The following SYNE1 variants were observed in gnomAD, a reference collection of about 807,000 sequenced individuals.
The protein encoded by SYNE1 is spectrin repeat containing nuclear envelope protein 1.
Under a neutral mutation model 1,111.0 loss-of-function variants are expected in SYNE1, and 616 were observed. The ratio of observed to expected loss-of-function variants is 0.55; its 90% confidence interval spans 0.52 to 0.59. SYNE1 has a LOEUF of 0.59. SYNE1 is among the 20% of genes least tolerant of loss of function. The pLI is 0.00. For synonymous variants in SYNE1, 3,855 were observed against 3,825.8 expected (o/e 1.01, Z -0.28); for missense variants, 10,006 against 10,417.0 (o/e 0.96, Z 1.72).
intron 38 of SYNE1, among the ~76,000 whole-genome samples, chr6:152,427,438 C>T (rs758103198): frequency 1.3e-5 from 2 of 152,066 alleles, no homozygotes; most frequent in African/African-American, 2.4e-5. Flanking sequence ...ATTCAGATGC[C>T]GGGCATTACA....
intron 105 of SYNE1, among the ~76,000 whole-genome samples, chr6:152,246,491 A>T (rs1239010709): frequency 6.6e-6 from 1 of 152,324 alleles, no homozygotes; most frequent in East Asian, 1.9e-4. Context: ...CCAATTCAGT[A>T]CAAGAGTCTG....
Position 152,316,951 on chromosome 6 carries a change from A to C in SYNE1, c.16608T>G (p.Leu5536=), listed in dbSNP as rs2095740228. 2 of 1,614,114 alleles carry C rather than the reference A, an allele frequency of 1.2e-6. No homozygotes were observed. Among genetic ancestry groups the C allele is most frequent in the Non-Finnish European group, 8.5e-7 (1 of 1,180,018 alleles). ...TTTCAATCCACTTCAAAATTAATTC[A>C]AGCATTTCATTGTATTCTTCTAAAT... The part of the protein sequence containing the change: ...ASHLEEYNEM[L]ELILKWIEKA... The change falls in exon 87 of 146, where the codon CTT becomes CTG. Residue 5536 remains leucine (L), a synonymous_variant. Coordinates refer to ENST00000367255, the MANE Select transcript of SYNE1 (RefSeq NM_182961.4).
intron 129 of SYNE1, among the ~76,000 whole-genome samples, chr6:152,179,716 C>T (rs553981238): frequency 3.7e-3 from 345 of 94,502 alleles, no homozygotes; most frequent in Middle Eastern, 0.01. Flanking sequence ...GACAGAGTCT[C>T]GTTCTGTCAC....
At chr6:152,399,346 T>G (rs2097778450) in intron 48 of SYNE1, among the ~76,000 whole-genome samples, 1 of 152,220 alleles carries the variant, frequency 6.6e-6, no homozygotes, top group Non-Finnish European at 1.5e-5. Context: ...ACACATGAGC[T>G]ATATATAGAA....
intron 24 of SYNE1, among the ~76,000 whole-genome samples, chr6:152,455,088 T>G (rs1311793461): frequency 6.6e-6 from 1 of 152,208 alleles, no homozygotes; most frequent in African/African-American, 2.4e-5. Flanking sequence ...CACAAAGGAC[T>G]TAGCTAGTCA....
intron 32 of SYNE1, 131 bp downstream of exon 32, chr6:152,440,999 T>G: frequency 9.1e-7 from 1 of 1,098,338 alleles, no homozygotes; most frequent in Non-Finnish European, 1.3e-6. Context: ...GTTGAAAGAA[T>G]GGGTCATCAA....
At chr6:152,624,760 T>C (rs1218744303) in intron 3 of SYNE1, among the ~76,000 whole-genome samples, 2 of 152,214 alleles carry the variant, frequency 1.3e-5, no homozygotes, top group Non-Finnish European at 1.5e-5. Flanking sequence ...CAAGCACAAA[T>C]ATTGGCAAAG....
At chr6:152,246,364 C>T (rs1169299429) in intron 105 of SYNE1, among the ~76,000 whole-genome samples, 1 of 150,694 alleles carries the variant, frequency 6.6e-6, no homozygotes. Context: ...CATTAATATA[C>T]CCAGAAAGAT....
intron 11 of SYNE1, among the ~76,000 whole-genome samples, chr6:152,494,534 A>G (rs150502148): frequency 0.023 from 3,461 of 152,190 alleles, 151 homozygotes; most frequent in African/African-American, 0.079. Flanking sequence ...CACATCTATC[A>G]TTCAGGCTAC....
intron 3 of SYNE1, among the ~76,000 whole-genome samples, chr6:152,576,527 G>C (rs818439): frequency 0.047 from 7,165 of 152,238 alleles, 240 homozygotes; most frequent in Non-Finnish European, 0.072. Context: ...AGATCTGTCA[G>C]AGGTAAGTAA....
intron 11 of SYNE1, among the ~76,000 whole-genome samples, chr6:152,492,131 T>C (rs1229522748): frequency 6.6e-6 from 1 of 152,214 alleles, no homozygotes; most frequent in Non-Finnish European, 1.5e-5. Context: ...GCCCAGTTCA[T>C]GGCCTGTTTG....
chr6:152,414,040 T>C (rs893502848), intron 41 of SYNE1, among the ~76,000 whole-genome samples: 4 of 151,298 alleles, frequency 2.6e-5, no homozygotes, highest in Admixed American at 2.6e-4. Context: ...TTACCTACTT[T>C]GTTGAAAAGA....
chr6:152,411,724 C>CCCCCCCCCA, intron 42 of SYNE1, among the ~76,000 whole-genome samples: 1 of 93,656 alleles, frequency 1.1e-5, no homozygotes, highest in Admixed American at 9.3e-5. Flanking sequence ...CACACACACA[C>CCCCCCCCCA]ACACCCCCAC....
intron 61 of SYNE1, chr6:152,367,629 T>C (rs1424924553): frequency 7.7e-6 from 4 of 516,286 alleles, no homozygotes; most frequent in East Asian, 7.2e-5. Flanking sequence ...ATGACTATCA[T>C]GATTATTTTA....
rs1348094255 is a variant in SYNE1, at chr6:152,329,978, C to A, written c.14707G>T (p.Val4903Leu). 2.5e-6 allele frequency: 4 copies of A among 1,614,210 alleles called. No homozygotes were observed. The South Asian group carries it at 3.3e-5, about 13-fold the overall frequency. ...MSRSLDWLRRVKAELSGPVYL... is the reference protein window; with the variant it reads ...MSRSLDWLRRLKAELSGPVYL... Reference sequence around the variant, plus strand: ...ACCGGCCCACTGAGCTCTGCCTTCACTCTCCTCAGCCAGTCCAGGGAGCGA... The same window carrying A: ...ACCGGCCCACTGAGCTCTGCCTTCAATCTCCTCAGCCAGTCCAGGGAGCGA... The change falls in exon 78 of 146, where the codon GTG (valine) becomes TTG (leucine). Residue 4903 changes from valine to leucine, a missense_variant. Physicochemically the swap from Val to Leu is conservative, Grantham distance 32. Transcript: ENST00000367255.
At chr6:152,502,517 C>A in intron 10 of SYNE1, 116 bp downstream of exon 10, 2 of 793,532 alleles carry the variant, frequency 2.5e-6, no homozygotes, top group Non-Finnish European at 4.3e-6. Flanking sequence ...TTTTTAAAAT[C>A]AGTTGGTCTC....
rs1453622872 is a variant in SYNE1 at position 152,283,958 on chromosome 6, A to G, written c.18207+20T>C. The G allele has an allele frequency of 6.2e-7, 1 of 1,602,664 alleles. No individual in the cohort carries two copies. Among genetic ancestry groups the G allele is most frequent in the East Asian group, 2.2e-5 (1 of 44,840 alleles). ...AAGTTAACTCAGAAGTGAGGAGGCC[A>G]CTTTACAGTTATTGGTTACCTCCAA... On this transcript the variant is annotated intron_variant, in intron 96 of 145. Coordinates refer to ENST00000367255, the MANE Select transcript of SYNE1 (RefSeq NM_182961.4).
chr6:152,506,445 T>C (rs1468069026), intron 8 of SYNE1, among the ~76,000 whole-genome samples: 1 of 152,160 alleles, frequency 6.6e-6, no homozygotes, highest in Non-Finnish European at 1.5e-5. Flanking sequence ...AATTAATTTT[T>C]ACTAGAATCT....
At chr6:152,278,039 G>A (rs758410808) in intron 98 of SYNE1, 50 bp downstream of exon 98, 27 of 1,601,108 alleles carry the variant, frequency 1.7e-5, no homozygotes, top group South Asian at 2.2e-5. Flanking sequence ...GAAGGAGCAC[G>A]TGAACAGTGT....
Sources: allele counts gnomAD v4.1 joint callset (sites outside exome capture counted in the v4.1 genomes callset), GRCh38; gene constraint gnomAD v4.1.1; transcripts MANE v1.5; gene names NCBI Gene and HGNC (gene_info 2026-07-23, HGNC 2026-07-21).